CRTAC1: variants seen among roughly 807,000 people sequenced by gnomAD.
CRTAC1 encodes the protein acidic secreted protein in cartilage.
Under a neutral mutation model 67.8 loss-of-function variants are expected in CRTAC1, and 37 were observed. The ratio of observed to expected loss-of-function variants is 0.55; its 90% CI spans 0.42 to 0.72. The LOEUF (loss-of-function observed/expected upper bound fraction) is 0.72. Ranked by LOEUF, CRTAC1 falls within the 30% of genes least tolerant of loss-of-function variation. CRTAC1 has a pLI of 0.00. For missense variants in CRTAC1, 780 were observed against 931.6 expected, an observed-to-expected ratio of 0.84 and a Z score of 2.12; for synonymous variants, 348 against 371.0, an observed-to-expected ratio of 0.94 and a Z score of 0.71.
Position 98,030,387 on chromosome 10 carries a change from G to A in CRTAC1, c.24+62C>T, listed in dbSNP as rs1256151530. 2 of 1,059,988 alleles carry A rather than the reference G, an allele frequency of 1.9e-6. No individual in the cohort carries two copies. Among genetic ancestry groups the A allele is most frequent in the East Asian group, 3.2e-5 (1 of 30,770 alleles). The allele number at this position is 1,059,988 out of a possible 1,614,324, so 65.7% of individuals were successfully genotyped here. A position where few individuals can be genotyped will look rare whatever the true frequency, so the allele number is the denominator to read the frequency against. ...CACCCTTGCGGGCGGATCCGGGGGG[G>A]CGCGCAGAGCTGGAGAAACTTTCTC... On this transcript the variant is annotated intron_variant, in intron 1 of 14. Coordinates refer to ENST00000370597, the MANE Select transcript of CRTAC1 (RefSeq NM_018058.7). The surrounding 1 kb of genome is among the most constrained non-coding windows in gnomAD (Gnocchi z 4.2).
Position 98,029,693 on chromosome 10 carries a change from T to C in CRTAC1, c.24+756A>G, listed in dbSNP as rs1590309612. Among the ~76,000 whole-genome samples, 1 of 152,186 alleles carries C rather than the reference T, an allele frequency of 6.6e-6. No homozygotes were observed. Among genetic ancestry groups the C allele is most frequent in the Non-Finnish European group, 1.5e-5 (1 of 68,020 alleles). ...GGGACTAACCAGGGCTCCCAACTAC[T>C]GTACTGCAAAGAAGCGCGCTGCATT... is the stretch of plus-strand genomic sequence containing the variant. On this transcript the variant is annotated intron_variant, in intron 1 of 14. Transcript: ENST00000370597. This position sits in a 1 kb window ranked among gnomAD's most constrained non-coding sequence, Gnocchi z 4.7.
chr10:97,994,616 T>C (rs1376845623), intron 2 of CRTAC1, among the ~76,000 whole-genome samples: 1 of 152,180 alleles, frequency 6.6e-6, no homozygotes, highest in Non-Finnish European at 1.5e-5. Flanking sequence ...TTCTCTCAGG[T>C]TCCTCCATGA....
At chr10:97,917,714 G>A (rs751143424) in intron 4 of CRTAC1, 58 bp from the exon 5 acceptor site, 21 of 1,373,572 alleles carry the variant, frequency 1.5e-5, no homozygotes, top group Admixed American at 4.5e-5. Flanking sequence ...CCCAGAAACC[G>A]CCCCCTCCCC....
intron 11 of CRTAC1, among the ~76,000 whole-genome samples, chr10:97,889,603 G>A (rs1399197974): frequency 6.6e-6 from 1 of 152,046 alleles, no homozygotes; most frequent in African/African-American, 2.4e-5. Context: ...TACAGGTGAG[G>A]GCCTGCGTCC....
chr10:97,915,895 G>T (rs1187247752), intron 5 of CRTAC1, among the ~76,000 whole-genome samples: 1 of 152,146 alleles, frequency 6.6e-6, no homozygotes, highest in Non-Finnish European at 1.5e-5. Flanking sequence ...CAAAGCTGCT[G>T]CTTCTTCCTT....
chr10:97,879,618 G>C, intron 14 of CRTAC1: 1 of 1,519,886 alleles, frequency 6.6e-7, no homozygotes, highest in Non-Finnish European at 8.8e-7. Flanking sequence ...CAAGCAGCAG[G>C]AGAGAGATTT....
chr10:97,899,680 T>G (rs751128431), intron 8 of CRTAC1, among the ~76,000 whole-genome samples: 2 of 152,266 alleles, frequency 1.3e-5, no homozygotes, highest in African/African-American at 4.8e-5. Flanking sequence ...TCAGGATTGA[T>G]GCTTTGTTAA....
chr10:97,895,914 G>A lies in CRTAC1; in HGVS notation c.1288C>T (p.Gln430Ter). ...TTGCCCCGGAAGACGGACAGCGGCT[G>A]AGCCATGGACTCTCCATGGGACAAG... ...LILSHGESMA[Q>*]PLSVFRGNQG... is the part of the protein sequence containing the mutation. The change falls in exon 10 of 15, where the codon CAG becomes TAG. Residue 430 changes from glutamine (Q) to a stop codon, truncating the protein, a stop_gained. Coordinates refer to ENST00000370597, the MANE Select transcript of CRTAC1 (RefSeq NM_018058.7). LOFTEE classifies it high-confidence loss of function. The surrounding 1 kb of genome is among the most constrained non-coding windows in gnomAD (Gnocchi z 4.2). 6.2e-7 allele frequency: 1 copy of A among 1,613,638 alleles called. No homozygotes were observed. The highest frequency in any genetic ancestry group is 1.1e-5 in the South Asian group (1 of 91,060).
intron 2 of CRTAC1, among the ~76,000 whole-genome samples, chr10:97,938,191 G>C (rs1008029087): frequency 3.3e-5 from 5 of 152,182 alleles, no homozygotes; most frequent in Admixed American, 2.0e-4. Context: ...TGCATGTCCA[G>C]GGCGTGGCAT....
chr10:97,986,580 T>C (rs561930071), intron 2 of CRTAC1, among the ~76,000 whole-genome samples: 2 of 152,312 alleles, frequency 1.3e-5, no homozygotes, highest in African/African-American at 2.4e-5. Context: ...GATATAACCA[T>C]AAAAATACTT....
At chr10:97,947,863 G>A (rs1050460458) in intron 2 of CRTAC1, among the ~76,000 whole-genome samples, 1 of 151,950 alleles carries the variant, frequency 6.6e-6, no homozygotes, top group Non-Finnish European at 1.5e-5. Flanking sequence ...AATCAGTCTG[G>A]GCAAAATAGT....
rs1156816203 is a variant in CRTAC1 at position 97,865,609 on chromosome 10, A to G, written c.1925T>C (p.Leu642Pro). ...AAGAATAAPV[L>P]VDGDLNLGSV... Reference sequence around the variant, plus strand: ...CCCCAGATTGAGATCTCCATCTACGAGGACCGGTGCAGCAGTGGCAGCTCC... The same window carrying G: ...CCCCAGATTGAGATCTCCATCTACGGGGACCGGTGCAGCAGTGGCAGCTCC... The change falls in exon 15 of 15, where the codon CTC (leucine) becomes CCC (proline). Residue 642 changes from leucine to proline, a missense_variant. Leu to Pro is a moderately conservative substitution (Grantham distance 98). Coordinates refer to ENST00000370597, the MANE Select transcript of CRTAC1 (RefSeq NM_018058.7). 1.2e-6 allele frequency: 2 copies of G among 1,613,598 alleles called. No individual in the cohort carries two copies. The highest frequency in any genetic ancestry group is 1.7e-6 in the Non-Finnish European group (2 of 1,179,658).
intron 2 of CRTAC1, among the ~76,000 whole-genome samples, chr10:97,977,947 G>C (rs1050319238): frequency 6.6e-6 from 1 of 152,156 alleles, no homozygotes. Context: ...GGGAGGGGAG[G>C]CCTTTACCAC....
At chr10:98,007,828 C>T (rs941674404) in intron 2 of CRTAC1, among the ~76,000 whole-genome samples, 2 of 152,142 alleles carry the variant, frequency 1.3e-5, no homozygotes, top group South Asian at 2.1e-4. Flanking sequence ...GATGGTCTAG[C>T]TTCACTAGCA....
At chr10:98,026,746 G>A (rs1380734217) in intron 1 of CRTAC1, among the ~76,000 whole-genome samples, 1 of 152,200 alleles carries the variant, frequency 6.6e-6, no homozygotes, top group Non-Finnish European at 1.5e-5. Context: ...GTCTTAGGGA[G>A]AGAAGAGGAT....
intron 2 of CRTAC1, among the ~76,000 whole-genome samples, chr10:98,000,852 T>C (rs1842673805): frequency 6.6e-6 from 1 of 152,204 alleles, no homozygotes; most frequent in Non-Finnish European, 1.5e-5. Context: ...ATGTTCCCAT[T>C]ATATGGAAGT....
At chr10:97,933,885 C>T (rs140550446) in intron 3 of CRTAC1, among the ~76,000 whole-genome samples, 2 of 152,278 alleles carry the variant, frequency 1.3e-5, no homozygotes, top group East Asian at 3.9e-4. Context: ...GGTCCCCCTC[C>T]TAGAGGTTCT....
rs2050005660 is a variant in CRTAC1 at position 97,865,186 on chromosome 10, G to A, written c.*362C>T. On this transcript the variant is annotated 3_prime_UTR_variant, in exon 15 of 15. Coordinates refer to ENST00000370597, the MANE Select transcript of CRTAC1 (RefSeq NM_018058.7). ...TAACAAGTTAAGTGACTGGTGTAAG[G>A]TCACATAGCTTTGTGAGTTCCTGAA... 3 of 204,006 alleles carry A rather than the reference G, an allele frequency of 1.5e-5. No individual in the cohort carries two copies. Among genetic ancestry groups the A allele is most frequent in the South Asian group, 1.8e-4 (1 of 5,534 alleles). 12.6% of individuals were successfully genotyped at this position (204,006 alleles called of 1,614,324 possible).
intron 2 of CRTAC1, among the ~76,000 whole-genome samples, chr10:98,005,100 A>ATATATATATTTTTTTTT: frequency 1.0e-4 from 5 of 48,884 alleles, no homozygotes; most frequent in African/African-American, 4.6e-4. Context: ...ATATATATAT[A>ATATATATATTTTTTTTT]TTTTTTTTTT....
Sources: gnomAD v4.1 joint callset for allele counts (sites outside exome capture counted in the v4.1 genomes callset) on GRCh38, gnomAD v4.1.1 for gene constraint, Gnocchi (gnomAD v3.1) non-coding constraint, MANE v1.5 for transcripts, NCBI Gene and HGNC (gene_info 2026-07-23, HGNC 2026-07-21) for gene names.